ACP3: variants seen among roughly 807,000 people sequenced by gnomAD.
The protein encoded by ACP3 is prostatic acid phosphatase.
A neutral mutation model predicts 45.6 loss-of-function variants in ACP3; 38 were observed. That is an observed-to-expected ratio of 0.83 (90% CI 0.64 to 1.09). The LOEUF (loss-of-function observed/expected upper bound fraction) is 1.09. ACP3 is among the 50% of genes least tolerant of loss of function. ACP3 has a pLI of 0.00. For missense variants in ACP3, 466 were observed against 463.2 expected (o/e 1.01, Z -0.05); for synonymous variants, 162 against 164.7 (o/e 0.98, Z 0.13).
At chr3:132,346,174 C>T (rs1290170048) in intron 7 of ACP3, among the ~76,000 whole-genome samples, 2 of 152,192 alleles carry the variant, frequency 1.3e-5, no homozygotes, top group South Asian at 4.1e-4. Flanking sequence ...AGGTTGTTCA[C>T]TGAGGCTACT....
Position 132,358,298 on chromosome 3 carries a change from C to T in ACP3, c.*1420C>T. The T allele has an allele frequency of 1.8e-6, 2 of 1,116,540 alleles. No homozygotes were observed. The highest frequency in any genetic ancestry group is 3.3e-5 in the African/African-American group (2 of 61,288). 69.2% of individuals were successfully genotyped at this position (1,116,540 alleles called of 1,614,324 possible). A position where few individuals can be genotyped will look rare whatever the true frequency, so the allele number is the denominator to read the frequency against. The stretch of plus-strand genomic sequence containing the variant: ...AGAAATGTAATTATGTTCTAAGTGC[C>T]TCCAAGTTCAAAACTTATTGGAATG... On this transcript the variant is annotated 3_prime_UTR_variant, in exon 10 of 10. Transcript: ENST00000336375.
At chr3:132,322,540 T>C (rs940070938) in intron 1 of ACP3, among the ~76,000 whole-genome samples, 1 of 152,174 alleles carries the variant, frequency 6.6e-6, no homozygotes, top group East Asian at 1.9e-4. Flanking sequence ...AATAAAATAA[T>C]AAGAAGAATT....
At chr3:132,342,172 C>G (rs963475072) in intron 5 of ACP3, among the ~76,000 whole-genome samples, 24 of 152,222 alleles carry the variant, frequency 1.6e-4, no homozygotes, top group African/African-American at 5.5e-4. Context: ...GAACCAGGAA[C>G]ATGTGGCAGT....
In ACP3 at chr3:132,317,431, T is replaced by C. The variant is rs918161489; in HGVS notation, c.-26T>C. The C allele has an allele frequency of 3.1e-6, 5 of 1,605,974 alleles. No individual in the cohort carries two copies. In the Admixed American group the frequency reaches 8.5e-5, roughly 27 times the overall value. ...TGAAGTGGTAGCAGTTCCTCCTAAC[T>C]CCTGCCAGAAACAGCTCTCCTCAAC... On this transcript the variant is annotated 5_prime_UTR_variant, in exon 1 of 10. Transcript: ENST00000336375.
At chr3:132,337,423 A>C (rs376785384) in intron 4 of ACP3, 33 bp from the exon 5 acceptor site, 72 of 1,430,360 alleles carry the variant, frequency 5.0e-5, no homozygotes, top group South Asian at 3.9e-4. Flanking sequence ...TTTCTGACTC[A>C]TAACAGTTTT....
intron 2 of ACP3, among the ~76,000 whole-genome samples, chr3:132,328,755 T>A (rs1937349552): frequency 6.6e-6 from 1 of 152,020 alleles, no homozygotes; most frequent in South Asian, 2.1e-4. Context: ...TGTTTTGATA[T>A]TTTTTGCCCT....
chr3:132,348,580 C>A (rs1030042916), intron 7 of ACP3, among the ~76,000 whole-genome samples: 1 of 152,130 alleles, frequency 6.6e-6, no homozygotes, highest in South Asian at 2.1e-4. Context: ...GGGCAACTTG[C>A]TGATTTCAGG....
At chr3:132,365,257 A>G (rs1938110989) in intron 10 of ACP3, among the ~76,000 whole-genome samples, 1 of 152,204 alleles carries the variant, frequency 6.6e-6, no homozygotes, top group Non-Finnish European at 1.5e-5. Flanking sequence ...AACAAATAAT[A>G]AGCATAATAA....
At chr3:132,330,110 G>C (rs1576411447) in intron 2 of ACP3, among the ~76,000 whole-genome samples, 1 of 151,842 alleles carries the variant, frequency 6.6e-6, no homozygotes, top group Non-Finnish European at 1.5e-5. Context: ...AGTAGAGATG[G>C]GGTTTCGCCA....
chr3:132,328,390 T>C (rs367840501), intron 2 of ACP3, 28 bp downstream of exon 2: 43 of 1,587,140 alleles, frequency 2.7e-5, no homozygotes, highest in Non-Finnish European at 3.5e-5. Context: ...CTAAAGATTG[T>C]TGATGAAGCT....
At chr3:132,359,550 C>A (rs74281870), downstream of ACP3, among the ~76,000 whole-genome samples, 1 of 151,940 alleles carries the variant, frequency 6.6e-6, no homozygotes, top group Non-Finnish European at 1.5e-5. Context: ...ACCTTTTCCC[C>A]TGACCCTACT....
chr3:132,346,099 C>T (rs1008592957), intron 7 of ACP3, among the ~76,000 whole-genome samples: 1 of 152,142 alleles, frequency 6.6e-6, no homozygotes, highest in Non-Finnish European at 1.5e-5. Context: ...AGCATCAGGA[C>T]AAGTCCATCA....
intron 7 of ACP3, among the ~76,000 whole-genome samples, chr3:132,347,070 T>C (rs1417711566): frequency 6.6e-6 from 1 of 152,252 alleles, no homozygotes; most frequent in Non-Finnish European, 1.5e-5. Flanking sequence ...GAGAAGCCAC[T>C]TCCCCTCTCT....
intron 5 of ACP3, among the ~76,000 whole-genome samples, chr3:132,340,028 T>C (rs1203627087): frequency 6.6e-6 from 1 of 152,100 alleles, no homozygotes; most frequent in Non-Finnish European, 1.5e-5. Flanking sequence ...GAACACCAAA[T>C]AGAAGGCCGG....
chr3:132,334,578 T>G (rs1937458882), intron 4 of ACP3, among the ~76,000 whole-genome samples: 1 of 152,102 alleles, frequency 6.6e-6, no homozygotes, highest in African/African-American at 2.4e-5. Context: ...CGTTCAGGTC[T>G]TCATAAAGAG....
Position 132,332,337 on chromosome 3 carries a change from A to C in ACP3, c.449A>C (p.Glu150Ala). Residue 150 changes from glutamate (E) to alanine (A), a missense_variant, in exon 4 of 10, where the codon GAA becomes GCA. Glu to Ala is a moderately radical substitution (Grantham distance 107). Coordinates refer to ENST00000336375, the MANE Select transcript of ACP3 (RefSeq NM_001099.5). ...PIPVHTVPLS[E>A]DQLLYLPFRN... ...CCGGTGCACACAGTTCCTCTTTCTG[A>C]AGATCAGGTCAGTATACTGGGAAAA... 1.2e-6 allele frequency: 2 copies of C among 1,614,064 alleles called. No individual in the cohort carries two copies. Among genetic ancestry groups the C allele is most frequent in the South Asian group, 2.2e-5 (2 of 91,076 alleles).
intron 10 of ACP3, among the ~76,000 whole-genome samples, chr3:132,365,913 C>A (rs1938123738): frequency 6.6e-6 from 1 of 151,998 alleles, no homozygotes; most frequent in South Asian, 2.1e-4. Flanking sequence ...TCCCTTGAAC[C>A]TGGAAGGCAG....
downstream of ACP3, among the ~76,000 whole-genome samples, chr3:132,360,869 CA>C (rs1290494173): frequency 6.6e-6 from 1 of 152,212 alleles, no homozygotes; most frequent in African/African-American, 2.4e-5. Context: ...AGTGTTCAGC[CA>C]GTAGACAACG....
chr3:132,322,012 C>A (rs1328750857), intron 1 of ACP3, among the ~76,000 whole-genome samples: 1 of 152,108 alleles, frequency 6.6e-6, no homozygotes, highest in Admixed American at 6.5e-5. Context: ...AGAAATAATG[C>A]TTTTGTGTTT....
Sources: allele counts gnomAD v4.1 joint callset (sites outside exome capture counted in the v4.1 genomes callset), GRCh38; gene constraint gnomAD v4.1.1; transcripts MANE v1.5; gene names NCBI Gene and HGNC (gene_info 2026-07-23, HGNC 2026-07-21).